The following DOCK2 variants were observed in gnomAD, a reference collection of about 807,000 sequenced individuals.
DOCK2 encodes dedicator of cytokinesis 2, also known as dedicator of cytokinesis protein 2.
Under a neutral mutation model 248.9 loss-of-function variants are expected in DOCK2, and 87 were observed. The ratio of observed to expected loss-of-function variants is 0.35; its 90% CI spans 0.29 to 0.42. The LOEUF is 0.42. Ranked by LOEUF, DOCK2 falls within the 10% of genes least tolerant of loss-of-function variation. The probability of loss-of-function intolerance (pLI) is 1.00; values close to 1 mark genes in which losing one functional copy is unlikely to be tolerated. For missense variants in DOCK2, 1,747 were observed against 2,300.2 expected (o/e 0.76, Z 4.92); for synonymous variants, 805 against 821.6 (o/e 0.98, Z 0.35).
chr5:169,758,087 T>C (rs906431722), intron 23 of DOCK2, among the ~76,000 whole-genome samples: 1 of 152,148 alleles, frequency 6.6e-6, no homozygotes, highest in African/African-American at 2.4e-5. Context: ...GTATTTATAA[T>C]AAAAATTGAC....
intron 27 of DOCK2, among the ~76,000 whole-genome samples, chr5:169,846,692 A>C (rs770245445): frequency 1.3e-5 from 2 of 152,136 alleles, no homozygotes; most frequent in African/African-American, 2.4e-5. Flanking sequence ...ATATATATAC[A>C]TACAGATATA....
intron 50 of DOCK2, chr5:170,080,932 C>A (rs921111738): frequency 1.3e-5 from 2 of 153,166 alleles, no homozygotes; most frequent in African/African-American, 4.8e-5. Context: ...GGGAACAAGA[C>A]AGGACCAGTG....
chr5:169,795,031 C>T (rs1056067247), intron 25 of DOCK2, among the ~76,000 whole-genome samples: 2 of 152,192 alleles, frequency 1.3e-5, no homozygotes, highest in African/African-American at 4.8e-5. Flanking sequence ...CATCCCTACA[C>T]ACACATATAC....
chr5:169,747,178 T>C (rs1763659458), intron 22 of DOCK2, among the ~76,000 whole-genome samples: 1 of 152,208 alleles, frequency 6.6e-6, no homozygotes, highest in East Asian at 1.9e-4. Flanking sequence ...AGAAGGTGTA[T>C]GCCCTGTTAG....
chr5:169,996,988 C>T (rs930073799), intron 30 of DOCK2, among the ~76,000 whole-genome samples: 2 of 151,966 alleles, frequency 1.3e-5, no homozygotes, highest in Non-Finnish European at 2.9e-5. Context: ...TAAGGGGACC[C>T]GGGGAACCAG....
chr5:170,034,350 A>C, intron 34 of DOCK2, 49 bp from the exon 35 acceptor site: 1 of 1,606,900 alleles, frequency 6.2e-7, no homozygotes, highest in South Asian at 1.1e-5. Context: ...GCCCCAGCAC[A>C]GTCTTTCTCC....
chr5:169,853,592 T>C (rs1290880325), intron 27 of DOCK2, among the ~76,000 whole-genome samples: 1 of 151,844 alleles, frequency 6.6e-6, no homozygotes, highest in Non-Finnish European at 1.5e-5. Context: ...ACAACAACAA[T>C]AATAACAATA....
intron 27 of DOCK2, among the ~76,000 whole-genome samples, chr5:169,956,341 C>T (rs1581469246): frequency 6.6e-6 from 1 of 152,156 alleles, no homozygotes; most frequent in East Asian, 1.9e-4. Flanking sequence ...AAGATTTAGC[C>T]ACAAGTGATA....
chr5:169,740,213 G>T (rs75229328), intron 22 of DOCK2, among the ~76,000 whole-genome samples: 1 of 151,984 alleles, frequency 6.6e-6, no homozygotes, highest in South Asian at 2.1e-4. Context: ...TTATTACACA[G>T]GGTTGCCATA....
At chr5:169,799,838 C>T (rs1766860114) in intron 25 of DOCK2, among the ~76,000 whole-genome samples, 2 of 152,016 alleles carry the variant, frequency 1.3e-5, no homozygotes, top group Admixed American at 1.3e-4. Context: ...GACAGGGTCT[C>T]ACTCTGTCGC....
At chr5:169,682,001 G>T in intron 7 of DOCK2, 122 bp downstream of exon 7, 1 of 1,355,916 alleles carries the variant, frequency 7.4e-7, no homozygotes, top group Non-Finnish European at 9.8e-7. Flanking sequence ...TATGACCTGA[G>T]ATGATCAGCA....
rs540883020 is a variant in DOCK2 at position 169,705,142 on chromosome 5, G to A, written c.1383+2715G>A. Among the ~76,000 whole-genome samples the A allele has an allele frequency of 1.1e-4, 17 of 152,178 alleles. No homozygotes were observed. In the South Asian group the frequency reaches 2.3e-3, roughly 20 times the overall value. On this transcript the variant is annotated intron_variant, in intron 14 of 51. Transcript: ENST00000520908. ...GCACCCCAGCCACTCCAGCCTGGCC[G>A]ACAAAGTGAGACCCTTTCTCAACAA...
At chr5:169,864,449 C>A in intron 27 of DOCK2, 1 of 1,541,270 alleles carries the variant, frequency 6.5e-7, no homozygotes. Context: ...TGCCGAAAAT[C>A]ATACTCTACA....
chr5:169,994,391 G>C (rs1778283077), intron 29 of DOCK2, among the ~76,000 whole-genome samples: 1 of 152,168 alleles, frequency 6.6e-6, no homozygotes, highest in East Asian at 1.9e-4. Flanking sequence ...GTTGCAATGA[G>C]GATCCCTTGG....
At chr5:169,895,401 A>C (rs1561803452) in intron 27 of DOCK2, among the ~76,000 whole-genome samples, 1 of 152,090 alleles carries the variant, frequency 6.6e-6, no homozygotes, top group Non-Finnish European at 1.5e-5. Flanking sequence ...TAGGAAAGGC[A>C]CTGAGCTGGG....
At chr5:169,917,603 T>C (rs1193212925) in intron 27 of DOCK2, among the ~76,000 whole-genome samples, 1 of 152,214 alleles carries the variant, frequency 6.6e-6, no homozygotes, top group African/African-American at 2.4e-5. Context: ...TTCTAATCGA[T>C]TGCTTGCTGT....
chr5:169,755,973 A>G (rs978155109), intron 23 of DOCK2, among the ~76,000 whole-genome samples: 10 of 152,184 alleles, frequency 6.6e-5, no homozygotes, highest in Admixed American at 1.3e-4. Context: ...GACCGTGACA[A>G]CAGTCTTGGC....
chr5:169,848,405 G>A (rs1770443046), intron 27 of DOCK2, among the ~76,000 whole-genome samples: 1 of 152,230 alleles, frequency 6.6e-6, no homozygotes, highest in Non-Finnish European at 1.5e-5. Context: ...ATATTGTCCT[G>A]TCTCACAGGT....
At chr5:170,056,453 C>T (rs1454262194) in intron 42 of DOCK2, 1 of 476,342 alleles carries the variant, frequency 2.1e-6, no homozygotes, top group East Asian at 3.5e-5. Context: ...GTACTATGTT[C>T]TCAAAGGGGC....
Sources: gnomAD v4.1 joint callset for allele counts (sites outside exome capture counted in the v4.1 genomes callset) on GRCh38, gnomAD v4.1.1 for gene constraint, MANE v1.5 for transcripts, NCBI Gene and HGNC (gene_info 2026-07-23, HGNC 2026-07-21) for gene names.